The following C4orf36 variants were observed in gnomAD, a reference collection of about 807,000 sequenced individuals.
The protein encoded by C4orf36 is chromosome 4 open reading frame 36.
Under a neutral mutation model 12.2 loss-of-function variants are expected in C4orf36, and 11 were observed. That is an observed-to-expected ratio of 0.90 (90% confidence interval 0.57 to 1.49). The LOEUF (loss-of-function observed/expected upper bound fraction) is 1.49, where lower values mean the gene tolerates loss of function less well. Ranked by LOEUF, C4orf36 falls within the 40% of genes most tolerant of loss-of-function variation. The pLI is 0.00. For missense variants in C4orf36, 137 were observed against 133.9 expected, an observed-to-expected ratio of 1.02 and a Z score of -0.11; for synonymous variants, 54 against 51.3, an observed-to-expected ratio of 1.05 and a Z score of -0.22.
chr4:86,916,216 A>G, the C4orf36 span, among the ~76,000 whole-genome samples: 177 of 152,286 alleles, frequency 1.2e-3, 1 homozygote, highest in African/African-American at 4.1e-3. Context: ...CTGGTGACAA[A>G]GAAGTATGGG....
At chr4:86,891,936 G>A (rs2149424612) in intron 1 of C4orf36, 1 of 961,556 alleles carries the variant, frequency 1.0e-6, no homozygotes, top group Non-Finnish European at 1.3e-6. Flanking sequence ...TGCCTGCACA[G>A]GAACCACCCG....
chr4:86,919,315 CTTTTTTTTTTTTT>C, the C4orf36 span, among the ~76,000 whole-genome samples: 3 of 81,388 alleles, frequency 3.7e-5, no homozygotes, highest in East Asian at 7.8e-4. Flanking sequence ...TTTTTTCCCC[CTTTTTTTTTTTTT>C]TTTTTTTTTT....
chr4:86,928,041 C>A, the C4orf36 span, among the ~76,000 whole-genome samples: 3 of 152,202 alleles, frequency 2.0e-5, no homozygotes, highest in Admixed American at 2.0e-4. Flanking sequence ...CATCTACAAC[C>A]CAGCCCCACA....
At chr4:86,901,514 T>C in the C4orf36 span, among the ~76,000 whole-genome samples, 3 of 151,454 alleles carry the variant, frequency 2.0e-5, no homozygotes, top group East Asian at 5.8e-4. Context: ...TTCACACTGT[T>C]TTCCTGCCTC....
intron 4 of C4orf36, among the ~76,000 whole-genome samples, chr4:86,881,154 A>C (rs1747046894): frequency 6.6e-6 from 1 of 152,178 alleles, no homozygotes; most frequent in South Asian, 2.1e-4. Flanking sequence ...CAAAAGCATG[A>C]AAAATAACTA....
chr4:86,894,807 T>C (rs184907178), upstream of C4orf36, among the ~76,000 whole-genome samples: 19 of 152,148 alleles, frequency 1.2e-4, no homozygotes, highest in Non-Finnish European at 2.4e-4. Context: ...TCAAGCTGCC[T>C]TATGGAGAAA....
At chr4:86,891,734 T>C (rs1747425112) in intron 1 of C4orf36, 141 bp from the exon 2 acceptor site, 1 of 826,068 alleles carries the variant, frequency 1.2e-6, no homozygotes, top group African/African-American at 1.8e-5. Context: ...CCGTGTTCTC[T>C]TTCATTTTTC....
intron 4 of C4orf36, among the ~76,000 whole-genome samples, chr4:86,877,153 T>A (rs62305638): frequency 0.16 from 24,902 of 152,222 alleles, 2,344 homozygotes; most frequent in Middle Eastern, 0.2. Context: ...AGCTGGAGAT[T>A]GTTAATTTTT....
At chr4:86,927,200 A>C in the C4orf36 span, among the ~76,000 whole-genome samples, 1 of 152,212 alleles carries the variant, frequency 6.6e-6, no homozygotes, top group African/African-American at 2.4e-5. Flanking sequence ...TACATGAATA[A>C]ATAAGCTTCA....
the C4orf36 span, among the ~76,000 whole-genome samples, chr4:86,901,996 T>C: frequency 3.3e-5 from 5 of 152,086 alleles, no homozygotes; most frequent in African/African-American, 1.2e-4. Flanking sequence ...CTAAATCTAA[T>C]CTCTAGTGTA....
At chr4:86,907,004 C>T in the C4orf36 span, among the ~76,000 whole-genome samples, 5 of 151,766 alleles carry the variant, frequency 3.3e-5, no homozygotes, top group Non-Finnish European at 7.4e-5. Flanking sequence ...TGCACCACTG[C>T]ACTCCTGCCT....
the C4orf36 span, among the ~76,000 whole-genome samples, chr4:86,930,148 C>T: frequency 6.6e-6 from 1 of 152,186 alleles, no homozygotes; most frequent in African/African-American, 2.4e-5. Context: ...TCTAGTCTAA[C>T]CCTCTCTATT....
At chr4:86,909,538 G>A in the C4orf36 span, among the ~76,000 whole-genome samples, 150,143 of 152,308 alleles carry the variant, frequency 0.99, 74,044 homozygotes, top group East Asian at 1. Context: ...AGTGCGACAC[G>A]ATAGCTATTA....
the C4orf36 span, among the ~76,000 whole-genome samples, chr4:86,930,374 T>C: frequency 1.3e-5 from 2 of 152,274 alleles, no homozygotes; most frequent in South Asian, 4.1e-4. Flanking sequence ...AACATGGCCT[T>C]CAGCCATGGA....
chr4:86,917,536 GAA>G, the C4orf36 span, among the ~76,000 whole-genome samples: 2 of 138,824 alleles, frequency 1.4e-5, no homozygotes, highest in African/African-American at 5.1e-5. Context: ...GAGAGAAAGA[GAA>G]AGAAAAGTAA....
chr4:86,878,661 T>C (rs543299334), intron 4 of C4orf36, among the ~76,000 whole-genome samples: 1 of 151,674 alleles, frequency 6.6e-6, no homozygotes, highest in East Asian at 1.9e-4. Context: ...TCCTCAGGAG[T>C]GAAAGAGATG....
chr4:86,911,683 C>T, the C4orf36 span, among the ~76,000 whole-genome samples: 8 of 152,076 alleles, frequency 5.3e-5, no homozygotes, highest in Non-Finnish European at 1.0e-4. Context: ...GTCTGTCTCT[C>T]TGTCTCTCTC....
the C4orf36 span, among the ~76,000 whole-genome samples, chr4:86,933,812 A>C: frequency 7.9e-5 from 12 of 152,260 alleles, no homozygotes; most frequent in Non-Finnish European, 1.8e-4. Context: ...TTAGATAGAT[A>C]CACCACCAGG....
At chr4:86,892,023 GT>G in intron 1 of C4orf36, 159 bp downstream of exon 1, 1 of 986,254 alleles carries the variant, frequency 1.0e-6, no homozygotes. Flanking sequence ...CCACTCCCGC[GT>G]CCCCGCCCTT....
Sources: allele counts gnomAD v4.1 joint callset (sites outside exome capture counted in the v4.1 genomes callset), GRCh38; gene constraint gnomAD v4.1.1; transcripts MANE v1.5; gene names NCBI Gene and HGNC (gene_info 2026-07-23, HGNC 2026-07-21).